SEL1L2: variants seen among roughly 807,000 people sequenced by gnomAD.
SEL1L2 encodes the protein SEL1L2 adaptor subunit of SYVN1 ubiquitin ligase.
A neutral mutation model predicts 98.8 loss-of-function variants in SEL1L2; 89 were observed. The ratio of observed to expected loss-of-function variants is 0.90; its 90% CI spans 0.76 to 1.07. The LOEUF (loss-of-function observed/expected upper bound fraction) is 1.07, where lower values mean the gene tolerates loss of function less well. SEL1L2 is among the 50% of genes least tolerant of loss of function. The probability of loss-of-function intolerance (pLI) is 0.00; values close to 1 mark genes in which losing one functional copy is unlikely to be tolerated. For missense variants in SEL1L2, 788 were observed against 812.0 expected (o/e 0.97, Z 0.36); for synonymous variants, 262 against 278.5 (o/e 0.94, Z 0.59).
rs6033862 is a variant in SEL1L2 at position 13,971,032 on chromosome 20, T to C, written c.59-14901A>G. 7.0e-3 allele frequency among the ~76,000 whole-genome samples: 1,063 copies of C among 152,152 alleles called. 13 individuals carry two copies. The highest frequency in any genetic ancestry group is 0.024 in the African/African-American group (1,003 of 41,526). On this transcript the variant is annotated intron_variant, in intron 1 of 19. Transcript: ENST00000284951. The stretch of plus-strand genomic sequence containing the variant: ...TGTTAATTTTCATTTGCATGATTAC[T>C]GGTACAGTTAACCATCTTTTCACAT...
chr20:13,955,946 A>G, intron 2 of SEL1L2, 130 bp downstream of exon 2: 1 of 612,522 alleles, frequency 1.6e-6, no homozygotes, highest in Non-Finnish European at 2.9e-6. Flanking sequence ...TGAATGAATG[A>G]AAGAATAATA....
intron 5 of SEL1L2, among the ~76,000 whole-genome samples, chr20:13,906,565 G>A (rs980606625): frequency 6.6e-6 from 1 of 151,980 alleles, no homozygotes; most frequent in Non-Finnish European, 1.5e-5. Context: ...CTCAATGCAG[G>A]TAATTCTAGA....
chr20:13,854,565 A>G (rs1025742350), intron 18 of SEL1L2, among the ~76,000 whole-genome samples: 6 of 152,184 alleles, frequency 3.9e-5, no homozygotes, highest in African/African-American at 1.2e-4. Context: ...AGGCTTAACT[A>G]TAGCTATGGA....
intron 15 of SEL1L2, 138 bp from the exon 16 acceptor site, chr20:13,865,652 T>C: frequency 1.6e-6 from 1 of 641,066 alleles, no homozygotes. Context: ...CTTTTGCAAA[T>C]TATTTAGGGT....
At chr20:13,929,712 G>T (rs2049054647) in intron 3 of SEL1L2, among the ~76,000 whole-genome samples, 1 of 151,778 alleles carries the variant, frequency 6.6e-6, no homozygotes, top group African/African-American at 2.4e-5. Flanking sequence ...GTGGTAGCCA[G>T]GATGGTCTCG....
At chr20:13,927,784 T>C (rs1316024494) in intron 3 of SEL1L2, among the ~76,000 whole-genome samples, 4 of 152,192 alleles carry the variant, frequency 2.6e-5, no homozygotes, top group African/African-American at 7.2e-5. Context: ...CTGATAATCA[T>C]GTGTGACTCA....
At chr20:13,881,571 G>GA (rs1463756443) in intron 10 of SEL1L2, among the ~76,000 whole-genome samples, 1 of 152,088 alleles carries the variant, frequency 6.6e-6, no homozygotes, top group Non-Finnish European at 1.5e-5. Context: ...TCTATGTGTA[G>GA]AAAATCCAAG....
intron 3 of SEL1L2, among the ~76,000 whole-genome samples, chr20:13,921,150 G>T (rs1386222797): frequency 6.6e-6 from 1 of 152,102 alleles, no homozygotes; most frequent in African/African-American, 2.4e-5. Context: ...ACTTTTATTT[G>T]TAATTCTTTT....
chr20:13,938,270 G>C (rs2049556550), intron 2 of SEL1L2, among the ~76,000 whole-genome samples: 1 of 151,838 alleles, frequency 6.6e-6, no homozygotes, highest in African/African-American at 2.4e-5. Flanking sequence ...TAGTAGAGAT[G>C]GGGTTTCACC....
In SEL1L2 at chr20:13,931,651, T is replaced by A; in HGVS notation, c.235A>T (p.Ile79Leu). The A allele has an allele frequency of 1.3e-6, 2 of 1,496,068 alleles. No homozygotes were observed. Among genetic ancestry groups the A allele is most frequent in the Non-Finnish European group, 1.8e-6 (2 of 1,097,130 alleles). The allele number at this position is 1,496,068 out of a possible 1,614,324, so 92.7% of individuals were successfully genotyped here. Reference sequence around the variant, plus strand: ...ATATCTTTATTTTGAATTCCTTTTATTCTTATTTTACGTTGATTCTTCTTT... The same window carrying A: ...ATATCTTTATTTTGAATTCCTTTTAATCTTATTTTACGTTGATTCTTCTTT... ...EKKKNQRKIR[I>L]KGIQNKDILK... The change falls in exon 3 of 20, where the codon ATA becomes TTA. Residue 79 changes from isoleucine to leucine, a missense_variant. By Grantham distance (5) the Ile-to-Leu change is conservative. Coordinates refer to ENST00000284951, the MANE Select transcript of SEL1L2 (RefSeq NM_025229.2).
intron 2 of SEL1L2, among the ~76,000 whole-genome samples, chr20:13,934,810 A>C (rs908718804): frequency 6.6e-6 from 1 of 151,638 alleles, no homozygotes; most frequent in Non-Finnish European, 1.5e-5. Context: ...CCATTCTTGT[A>C]GGAGTAAGCT....
At chr20:13,954,736 G>A (rs934682075) in intron 2 of SEL1L2, among the ~76,000 whole-genome samples, 1 of 152,140 alleles carries the variant, frequency 6.6e-6, no homozygotes, top group Non-Finnish European at 1.5e-5. Flanking sequence ...CAAGCAGTAA[G>A]AGGATTCCAA....
chr20:13,939,457 G>A (rs2049640743), intron 2 of SEL1L2, among the ~76,000 whole-genome samples: 1 of 152,074 alleles, frequency 6.6e-6, no homozygotes, highest in African/African-American at 2.4e-5. Context: ...ACACTGAACA[G>A]CAATTTTAGC....
rs567084594 is a variant in SEL1L2, at chr20:13,875,303, C to T, written c.1104+735G>A. Among the ~76,000 whole-genome samples the T allele has an allele frequency of 9.4e-4, 143 of 152,316 alleles. 1 individual carries two copies. The highest frequency in any genetic ancestry group is 3.4e-3 in the African/African-American group (140 of 41,578). On this transcript the variant is annotated intron_variant, in intron 12 of 19. Transcript: ENST00000284951. Reference sequence around the variant, plus strand: ...TATTTTTTGTAGAAATGGGGTTTCACCATGTTGCCCAGGCTGGTCTCAAAC... The same window carrying T: ...TATTTTTTGTAGAAATGGGGTTTCATCATGTTGCCCAGGCTGGTCTCAAAC...
intron 1 of SEL1L2, among the ~76,000 whole-genome samples, chr20:13,976,611 C>T (rs1406127125): frequency 1.3e-5 from 2 of 152,126 alleles, no homozygotes; most frequent in African/African-American, 4.8e-5. Flanking sequence ...GACTACTGGA[C>T]AAGACATTAG....
chr20:13,932,592 T>C (rs1324563796), intron 2 of SEL1L2, among the ~76,000 whole-genome samples: 1 of 151,852 alleles, frequency 6.6e-6, no homozygotes, highest in African/African-American at 2.4e-5. Context: ...CCACCGTGCC[T>C]AGCTAATTTT....
chr20:13,988,234 C>T (rs929041643), intron 1 of SEL1L2, among the ~76,000 whole-genome samples: 4 of 152,132 alleles, frequency 2.6e-5, no homozygotes, highest in Admixed American at 6.5e-5. Flanking sequence ...GGTAGGTTCT[C>T]GCTATGTTGA....
At chr20:13,958,329 G>T (rs1400565522) in intron 1 of SEL1L2, among the ~76,000 whole-genome samples, 1 of 147,612 alleles carries the variant, frequency 6.8e-6, no homozygotes, top group African/African-American at 2.4e-5. Context: ...ACATGTGAGT[G>T]CAAAAGTACT....
intron 11 of SEL1L2, among the ~76,000 whole-genome samples, chr20:13,876,406 C>CTTTTTTT (rs11087067): frequency 2.0e-5 from 2 of 101,944 alleles, no homozygotes; most frequent in Admixed American, 1.1e-4. Flanking sequence ...CTCTCTCTCT[C>CTTTTTTT]TTTTTTTTTT....
Sources: allele counts gnomAD v4.1 joint callset (sites outside exome capture counted in the v4.1 genomes callset), GRCh38; gene constraint gnomAD v4.1.1; transcripts MANE v1.5; gene names NCBI Gene and HGNC (gene_info 2026-07-23, HGNC 2026-07-21).